The following CPEB4 variants were observed in gnomAD, a reference collection of about 807,000 sequenced individuals.
The protein encoded by CPEB4 is cytoplasmic polyadenylation element binding protein 4, also known as cytoplasmic polyadenylation element-binding protein 4.
A neutral mutation model predicts 72.5 loss-of-function variants in CPEB4; 12 were observed. The observed-to-expected ratio is 0.17, with a 90% CI of 0.11 to 0.27. CPEB4 has a LOEUF of 0.27. Among genes scored for constraint, CPEB4 ranks in the 10% least tolerant of loss-of-function variants. The pLI is 1.00. For missense variants in CPEB4, 614 were observed against 908.5 expected (o/e 0.68, Z 4.17); for synonymous variants, 302 against 326.3 (o/e 0.93, Z 0.80).
At chr5:173,947,009 A>G (rs902821075) in intron 5 of CPEB4, among the ~76,000 whole-genome samples, 1 of 151,816 alleles carries the variant, frequency 6.6e-6, no homozygotes, top group African/African-American at 2.4e-5. Context: ...ACCTATGAGA[A>G]TAGGTATCGT....
intron 1 of CPEB4, among the ~76,000 whole-genome samples, chr5:173,902,252 G>GA (rs35400832): frequency 6.6e-6 from 1 of 152,042 alleles, no homozygotes; most frequent in Non-Finnish European, 1.5e-5. Context: ...CTTTACCAGG[G>GA]AAAGTTTAAG....
chr5:173,922,728 G>A (rs1212805569), intron 2 of CPEB4, among the ~76,000 whole-genome samples: 2 of 152,212 alleles, frequency 1.3e-5, no homozygotes, highest in Non-Finnish European at 2.9e-5. Context: ...ACTTAAGCAT[G>A]TGCATTCTTC....
chr5:173,909,373 G>A (rs1756556645), intron 1 of CPEB4, among the ~76,000 whole-genome samples: 1 of 152,136 alleles, frequency 6.6e-6, no homozygotes, highest in South Asian at 2.1e-4. Context: ...ATAACACGTT[G>A]CATTGGGGGC....
intron 3 of CPEB4, among the ~76,000 whole-genome samples, chr5:173,938,216 G>A (rs577021745): frequency 6.6e-6 from 1 of 152,086 alleles, no homozygotes; most frequent in South Asian, 2.1e-4. Context: ...GAAAAGTCAG[G>A]TTGTTTTGTT....
At chr5:173,891,060 A>G (rs1755794440) in intron 1 of CPEB4, among the ~76,000 whole-genome samples, 1 of 152,222 alleles carries the variant, frequency 6.6e-6, no homozygotes, top group African/African-American at 2.4e-5. Context: ...TCTAAATTGT[A>G]GCCTTAATCT....
chr5:173,889,910 T>G lies in CPEB4; in HGVS notation c.177T>G (p.Ala59=). The G allele has an allele frequency of 6.2e-7, 1 of 1,614,170 alleles. No individual in the cohort carries two copies. Among genetic ancestry groups the G allele is most frequent in the Non-Finnish European group, 8.5e-7 (1 of 1,180,012 alleles). ...CCAATGGCAGCAGTGCTGGGTCAGC[T>G]TGGCTTTTTCCTGCTCCAGCTACCC... The part of the protein sequence containing the change: ...TAANGSSAGS[A]WLFPAPATHN... The change falls in exon 1 of 10, where the codon GCT becomes GCG. Residue 59 remains alanine (A), a synonymous_variant. Coordinates refer to ENST00000265085, the MANE Select transcript of CPEB4 (RefSeq NM_030627.4).
chr5:173,935,789 CAG>C (rs1443796447), intron 3 of CPEB4, among the ~76,000 whole-genome samples: 2 of 150,338 alleles, frequency 1.3e-5, no homozygotes, highest in Non-Finnish European at 1.5e-5. Flanking sequence ...AGAAAAAAGT[CAG>C]AGTCACCAAC....
rs1755694887 is a variant in CPEB4, at chr5:173,888,660, A to G, written c.-1074A>G. Reference sequence around the variant, plus strand: ...GAGGGGGGAGGCCCTTCTCCTTTAAAATAACTACGGTAGTGGGTTTTTCCT... The same window carrying G: ...GAGGGGGGAGGCCCTTCTCCTTTAAGATAACTACGGTAGTGGGTTTTTCCT... On this transcript the variant is annotated 5_prime_UTR_variant, in exon 1 of 10. Coordinates refer to ENST00000265085, the MANE Select transcript of CPEB4 (RefSeq NM_030627.4). This position sits in a 1 kb window ranked among gnomAD's most constrained non-coding sequence, Gnocchi z 4.3. 2 of 400,172 alleles carry G rather than the reference A, an allele frequency of 5.0e-6. No individual in the cohort carries two copies. Among genetic ancestry groups the G allele is most frequent in the South Asian group, 2.4e-4 (2 of 8,506 alleles). 24.8% of individuals were successfully genotyped at this position (400,172 alleles called of 1,614,324 possible).
At position 173,950,155 on chromosome 5, in the gene CPEB4, A is replaced by T; in HGVS notation, c.1665+77A>T. On this transcript the variant is annotated intron_variant, in intron 7 of 9. Transcript: ENST00000265085. The surrounding 1 kb of genome is among the most constrained non-coding windows in gnomAD (Gnocchi z 5.0). Reference sequence around the variant, plus strand: ...GTTATATTTGAAAAACCCATAGACAACTTGATGTGTTTGGGGTACTTAATT... The same window carrying T: ...GTTATATTTGAAAAACCCATAGACATCTTGATGTGTTTGGGGTACTTAATT... 1 of 827,468 alleles carries T rather than the reference A, an allele frequency of 1.2e-6. No individual in the cohort carries two copies. The highest frequency in any genetic ancestry group is 2.0e-6 in the Non-Finnish European group (1 of 509,206). The allele number at this position is 827,468 out of a possible 1,614,324, so 51.3% of individuals were successfully genotyped here.
At chr5:173,924,310 C>A (rs1757169384) in intron 2 of CPEB4, among the ~76,000 whole-genome samples, 1 of 152,030 alleles carries the variant, frequency 6.6e-6, no homozygotes, top group Non-Finnish European at 1.5e-5. Flanking sequence ...TGTATCTTTG[C>A]CAGTTTGGCT....
intron 2 of CPEB4, among the ~76,000 whole-genome samples, chr5:173,924,779 T>A (rs2113216862): frequency 6.6e-6 from 1 of 152,324 alleles, no homozygotes; most frequent in East Asian, 1.9e-4. Context: ...GGCAGAGAGA[T>A]CATCAACTGC....
chr5:173,938,579 T>C (rs1409726137), intron 3 of CPEB4, among the ~76,000 whole-genome samples: 2 of 152,110 alleles, frequency 1.3e-5, no homozygotes, highest in African/African-American at 4.8e-5. Context: ...ACCCCCCTTT[T>C]TTTTCCAGAT....
chr5:173,927,938 C>G (rs1420142963), intron 2 of CPEB4, among the ~76,000 whole-genome samples: 1 of 152,144 alleles, frequency 6.6e-6, no homozygotes, highest in Non-Finnish European at 1.5e-5. Flanking sequence ...AAACTGTGAT[C>G]CATCCAAACA....
At chr5:173,930,693 G>T (rs1757413519) in intron 2 of CPEB4, among the ~76,000 whole-genome samples, 1 of 152,022 alleles carries the variant, frequency 6.6e-6, no homozygotes. Context: ...TTTTAAAATT[G>T]TAGGAAAATT....
At position 173,890,399 on chromosome 5, in the gene CPEB4, C is replaced by G. The variant is rs777473511; in HGVS notation, c.666C>G (p.Phe222Leu). The G allele has an allele frequency of 6.2e-7, 1 of 1,614,014 alleles. No individual in the cohort carries two copies. Among genetic ancestry groups the G allele is most frequent in the Non-Finnish European group, 8.5e-7 (1 of 1,180,016 alleles). The change falls in exon 1 of 10, where the codon TTC (phenylalanine) becomes TTG (leucine). Residue 222 changes from phenylalanine to leucine, a missense_variant. Transcript: ENST00000265085. ...HHVSPGFGGS[F>L]SPQIGPLSQH... The stretch of plus-strand genomic sequence containing the variant: ...TCAGCCCTGGCTTTGGAGGCAGCTT[C>G]TCTCCTCAGATCGGGCCTCTCTCAC...
At chr5:173,937,493 G>A (rs1757670837) in intron 3 of CPEB4, among the ~76,000 whole-genome samples, 1 of 152,162 alleles carries the variant, frequency 6.6e-6, no homozygotes, top group Non-Finnish European at 1.5e-5. Flanking sequence ...TATGGTTCTA[G>A]TTGCTACAAT....
intron 3 of CPEB4, among the ~76,000 whole-genome samples, chr5:173,933,889 AG>A (rs1342164500): frequency 1.3e-5 from 2 of 152,196 alleles, no homozygotes; most frequent in African/African-American, 4.8e-5. Context: ...TTTTCCTTAA[AG>A]CTAAATTCAC....
chr5:173,894,395 C>A (rs186726915), intron 1 of CPEB4, among the ~76,000 whole-genome samples: 1 of 151,940 alleles, frequency 6.6e-6, no homozygotes, highest in Non-Finnish European at 1.5e-5. Flanking sequence ...CTGAAGTGGG[C>A]GGATCACTTG....
rs78187382 is a variant in CPEB4, at chr5:173,923,556, T to C, written c.1208-8894T>C. Reference sequence around the variant, plus strand: ...CATTGGTTCTTTTAATATATGTCTCTTGTAACACATGCTTCTTTTAAGCAA... The same window carrying C: ...CATTGGTTCTTTTAATATATGTCTCCTGTAACACATGCTTCTTTTAAGCAA... On this transcript the variant is annotated intron_variant, in intron 2 of 9. Transcript: ENST00000265085. Among the ~76,000 whole-genome samples, 36 of 152,348 alleles carry C rather than the reference T, an allele frequency of 2.4e-4. 1 individual carries two copies. The East Asian group carries it at 6.9e-3, about 29-fold the overall frequency.
Sources: allele counts gnomAD v4.1 joint callset (sites outside exome capture counted in the v4.1 genomes callset), GRCh38; gene constraint gnomAD v4.1.1; non-coding constraint Gnocchi (gnomAD v3.1); transcripts MANE v1.5; gene names NCBI Gene and HGNC (gene_info 2026-07-23, HGNC 2026-07-21).